SAMD12: variants seen among roughly 807,000 people sequenced by gnomAD.
The protein encoded by SAMD12 is sterile alpha motif domain containing 12.
SAMD12 carries 9 observed loss-of-function variants against 15.0 expected under a neutral mutation model. The ratio of observed to expected loss-of-function variants is 0.60; its 90% CI spans 0.36 to 1.05. SAMD12 has a LOEUF of 1.05. Ranked by LOEUF, SAMD12 falls within the 50% of genes least tolerant of loss-of-function variation. SAMD12 has a pLI of 0.01. For synonymous variants in SAMD12, 86 were observed against 90.1 expected (o/e 0.96, Z 0.25); for missense variants, 230 against 234.2 (o/e 0.98, Z 0.12).
chr8:118,332,752 G>A (rs1004339791), intron 4 of SAMD12, among the ~76,000 whole-genome samples: 18 of 152,080 alleles, frequency 1.2e-4, no homozygotes, highest in Non-Finnish European at 5.9e-5. Flanking sequence ...CTCTACTTCG[G>A]TCTTAGCCCT....
At chr8:118,154,847 A>T in the SAMD12 span, among the ~76,000 whole-genome samples, 14 of 152,322 alleles carry the variant, frequency 9.2e-5, no homozygotes, top group African/African-American at 2.6e-4. Context: ...AGAAAATGAC[A>T]ATCCTTTGTA....
intron 2 of SAMD12, among the ~76,000 whole-genome samples, chr8:118,502,019 C>CAAAAAA (rs778485490): frequency 1.2e-5 from 1 of 80,532 alleles, no homozygotes; most frequent in African/African-American, 4.2e-5. Context: ...GACTCCGTCT[C>CAAAAAA]AAAAAAAAAA....
intron 4 of SAMD12, among the ~76,000 whole-genome samples, chr8:118,369,249 G>A (rs1032583629): frequency 5.9e-5 from 9 of 152,156 alleles, no homozygotes; most frequent in Admixed American, 5.9e-4. Context: ...TCAGAAATAA[G>A]AGTGCACACC....
chr8:118,609,027 A>T (rs1440344060), intron 1 of SAMD12, among the ~76,000 whole-genome samples: 2 of 152,240 alleles, frequency 1.3e-5, no homozygotes, highest in Non-Finnish European at 2.9e-5. Context: ...CTAAATAAAG[A>T]TCCCAAACAT....
At chr8:118,464,164 G>T (rs1004834430) in intron 2 of SAMD12, among the ~76,000 whole-genome samples, 1 of 152,064 alleles carries the variant, frequency 6.6e-6, no homozygotes, top group Admixed American at 6.6e-5. Flanking sequence ...ATAAACAAAG[G>T]CTGGGAGAAG....
exon 5 of SAMD12, chr8:118,191,850 A>AGAGT (rs1306244240): frequency 7.3e-5 from 9 of 122,586 alleles, no homozygotes; most frequent in Admixed American, 1.6e-4. Flanking sequence ...AGAGAGAGAG[A>AGAGT]GTGAGAAAAG....
intron 2 of SAMD12, among the ~76,000 whole-genome samples, chr8:118,468,615 C>A (rs114905626): frequency 4.1e-4 from 62 of 152,158 alleles, no homozygotes; most frequent in Middle Eastern, 3.4e-3. Context: ...GACTCAAGCA[C>A]CTGGCAGAAT....
intron 2 of SAMD12, among the ~76,000 whole-genome samples, chr8:118,565,455 C>T (rs1026566696): frequency 2.0e-5 from 3 of 152,208 alleles, no homozygotes; most frequent in South Asian, 2.1e-4. Flanking sequence ...GAAGTAGCAC[C>T]AGCAGGGGCA....
chr8:118,540,202 T>A (rs1825951192), intron 2 of SAMD12, among the ~76,000 whole-genome samples: 1 of 152,232 alleles, frequency 6.6e-6, no homozygotes, highest in Admixed American at 6.5e-5. Context: ...TCACTCATTT[T>A]AAAAGTCTCT....
At chr8:118,481,662 G>A (rs1277151411) in intron 2 of SAMD12, among the ~76,000 whole-genome samples, 1 of 151,812 alleles carries the variant, frequency 6.6e-6, no homozygotes, top group East Asian at 1.9e-4. Flanking sequence ...ACACAGGAGG[G>A]ATTTAAAAAT....
At chr8:118,447,542 A>G (rs1341902396) in intron 2 of SAMD12, among the ~76,000 whole-genome samples, 2 of 151,818 alleles carry the variant, frequency 1.3e-5, no homozygotes, top group African/African-American at 4.8e-5. Flanking sequence ...TGACCTCGTG[A>G]TTTGCCTGCC....
chr8:118,217,786 A>G (rs1244804745), intron 4 of SAMD12, among the ~76,000 whole-genome samples: 1 of 152,202 alleles, frequency 6.6e-6, no homozygotes, highest in African/African-American at 2.4e-5. Flanking sequence ...GCTCTCCATA[A>G]TCTTTATCCA....
chr8:118,340,064 A>G (rs990282152), intron 4 of SAMD12, among the ~76,000 whole-genome samples: 1 of 152,208 alleles, frequency 6.6e-6, no homozygotes, highest in Admixed American at 6.5e-5. Context: ...TATTCAACAA[A>G]CATTTACTGA....
At chr8:118,559,913 C>A (rs1826657420) in intron 2 of SAMD12, among the ~76,000 whole-genome samples, 1 of 152,088 alleles carries the variant, frequency 6.6e-6, no homozygotes, top group South Asian at 2.1e-4. Context: ...TTTAAAAATA[C>A]ACATTTAAAA....
chr8:118,252,442 AG>A (rs1401260114), intron 4 of SAMD12, among the ~76,000 whole-genome samples: 2 of 152,148 alleles, frequency 1.3e-5, no homozygotes, highest in African/African-American at 4.8e-5. Context: ...TGTCATTGGC[AG>A]AGCCAGGAGG....
intron 4 of SAMD12, among the ~76,000 whole-genome samples, chr8:118,242,111 C>T (rs1284601470): frequency 2.0e-5 from 3 of 152,062 alleles, no homozygotes; most frequent in Non-Finnish European, 2.9e-5. Context: ...GACAGTGTTT[C>T]GTCATGTTGT....
chr8:118,280,803 G>A (rs751163620), intron 4 of SAMD12, among the ~76,000 whole-genome samples: 1 of 152,114 alleles, frequency 6.6e-6, no homozygotes, highest in Non-Finnish European at 1.5e-5. Flanking sequence ...CAGCATTTTG[G>A]TGGGGGAGCT....
intron 2 of SAMD12, among the ~76,000 whole-genome samples, chr8:118,527,763 AATAAG>A (rs982216840): frequency 6.6e-6 from 1 of 152,168 alleles, no homozygotes; most frequent in African/African-American, 2.4e-5. Flanking sequence ...ATCTTGAGTT[AATAAG>A]ATGTTTAATT....
chr8:118,431,270 C>G (rs1822397474), intron 3 of SAMD12, among the ~76,000 whole-genome samples: 1 of 152,076 alleles, frequency 6.6e-6, no homozygotes, highest in Admixed American at 6.6e-5. Flanking sequence ...AACCAGTTAG[C>G]CTTTAGATCA....
Sources: gnomAD v4.1 joint callset for allele counts (sites outside exome capture counted in the v4.1 genomes callset) on GRCh38, gnomAD v4.1.1 for gene constraint, MANE v1.5 for transcripts, NCBI Gene and HGNC (gene_info 2026-07-23, HGNC 2026-07-21) for gene names.